TSNARE1: variants seen among roughly 807,000 people sequenced by gnomAD.
TSNARE1 encodes t-SNARE domain containing 1, also known as t-SNARE domain-containing protein 1.
TSNARE1 carries 49 observed loss-of-function variants against 62.0 expected under a neutral mutation model. The ratio of observed to expected loss-of-function variants is 0.79; its 90% CI spans 0.63 to 1.00. TSNARE1 has a LOEUF of 1.00. Among genes scored for constraint, TSNARE1 ranks in the 50% least tolerant of loss-of-function variants. The probability of loss-of-function intolerance (pLI) is 0.00; values close to 1 mark genes in which losing one functional copy is unlikely to be tolerated. For missense variants in TSNARE1, 755 were observed against 700.1 expected (o/e 1.08, Z -0.88); for synonymous variants, 328 against 294.4 (o/e 1.11, Z -1.17).
intron 13 of TSNARE1, among the ~76,000 whole-genome samples, chr8:142,223,112 GTTCACTCATTCACTCA>G (rs1194933488): frequency 6.4e-5 from 1 of 15,602 alleles, no homozygotes; most frequent in Admixed American, 6.7e-4. Flanking sequence ...TCACTCACTC[GTTCACTCATTCACTCA>G]TTCACTCATT....
At chr8:142,256,355 T>C (rs376479224) in intron 12 of TSNARE1, among the ~76,000 whole-genome samples, 149 of 940 alleles carry the variant, frequency 0.16, no homozygotes, top group Admixed American at 0.21. Flanking sequence ...ATCACCATCA[T>C]TATCACCACC....
chr8:142,273,005 G>A (rs1819855373), intron 12 of TSNARE1: 1 of 985,476 alleles, frequency 1.0e-6, no homozygotes, highest in South Asian at 4.7e-5. Context: ...GAGTGGGACA[G>A]TCTATGCAGA....
At position 142,322,672 on chromosome 8, in the gene TSNARE1, G is replaced by A. The variant is rs148039571; in HGVS notation, c.894-4038C>T. The stretch of plus-strand genomic sequence containing the variant: ...ATAAGAGAAAGGCCAGCCTGTGTCC[G>A]TGGGCTGGACGATGACATTGTTATG... On this transcript the variant is annotated intron_variant, in intron 6 of 13. Coordinates refer to ENST00000524325, the MANE Select transcript of TSNARE1 (RefSeq NM_145003.5). Among the ~76,000 whole-genome samples, 203 of 152,344 alleles carry A rather than the reference G, an allele frequency of 1.3e-3. 2 individuals are homozygous for A. Among genetic ancestry groups the A allele is most frequent in the Middle Eastern group, 6.8e-3 (2 of 294 alleles).
At chr8:142,282,746 G>A (rs374109486) in intron 11 of TSNARE1, among the ~76,000 whole-genome samples, 10,923 of 83,976 alleles carry the variant, frequency 0.13, no homozygotes, top group African/African-American at 0.24. Flanking sequence ...TCTGTCTAAG[G>A]GCAAAGGCGG....
intron 13 of TSNARE1, among the ~76,000 whole-genome samples, chr8:142,225,321 C>T (rs1463383013): frequency 1.3e-5 from 2 of 152,174 alleles, no homozygotes; most frequent in African/African-American, 4.8e-5. Flanking sequence ...CTTCTCTGCT[C>T]CTTGGCCCTG....
At chr8:142,403,892 C>G (rs1417124162), upstream of TSNARE1, 1 of 152,316 alleles carries the variant, frequency 6.6e-6, no homozygotes, top group Non-Finnish European at 1.5e-5. Context: ...CCGAAAGACT[C>G]CAGCCCCTCG....
intron 1 of TSNARE1, among the ~76,000 whole-genome samples, chr8:142,355,735 C>T (rs570808456): frequency 6.6e-6 from 1 of 152,332 alleles, no homozygotes; most frequent in South Asian, 2.1e-4. Flanking sequence ...GCTCCACCCG[C>T]CCACACAAAC....
intron 13 of TSNARE1, among the ~76,000 whole-genome samples, chr8:142,219,138 T>C (rs1286348914): frequency 6.6e-6 from 1 of 152,022 alleles, no homozygotes; most frequent in Non-Finnish European, 1.5e-5. Context: ...ACCTCCTGGG[T>C]GGTGCTTCCC....
intron 12 of TSNARE1, chr8:142,271,437 T>G (rs1586917492): frequency 8.0e-7 from 1 of 1,251,208 alleles, no homozygotes; most frequent in Non-Finnish European, 1.0e-6. Flanking sequence ...AATGCGGACG[T>G]TTCAGATGCT....
chr8:142,317,452 C>T (rs1404628009), intron 7 of TSNARE1, among the ~76,000 whole-genome samples: 4 of 151,720 alleles, frequency 2.6e-5, no homozygotes, highest in Non-Finnish European at 5.9e-5. Context: ...TGTGGGCAAG[C>T]GGCTCACACT....
At chr8:142,397,249 G>A (rs1264288126) in intron 1 of TSNARE1, among the ~76,000 whole-genome samples, 1 of 150,024 alleles carries the variant, frequency 6.7e-6, no homozygotes, top group Non-Finnish European at 1.5e-5. Flanking sequence ...GAGGCAGCCC[G>A]AGGGTCTCAC....
At chr8:142,325,514 G>C (rs762906630) in intron 6 of TSNARE1, among the ~76,000 whole-genome samples, 1 of 152,212 alleles carries the variant, frequency 6.6e-6, no homozygotes, top group African/African-American at 2.4e-5. Flanking sequence ...TGAGAAGTGC[G>C]TGGACACGGG....
At chr8:142,215,358 A>C (rs1167124660) in intron 13 of TSNARE1, among the ~76,000 whole-genome samples, 3 of 152,128 alleles carry the variant, frequency 2.0e-5, no homozygotes, top group Non-Finnish European at 4.4e-5. Flanking sequence ...TCCTGGTGTC[A>C]GTGGACAGGG....
Position 142,287,862 on chromosome 8 carries a change from G to A in TSNARE1, c.1291-3377C>T, listed in dbSNP as rs368212438. 3.2e-4 allele frequency among the ~76,000 whole-genome samples: 49 copies of A among 150,836 alleles called. No individual in the cohort carries two copies. In the East Asian group the frequency reaches 7.9e-3, roughly 24 times the overall value. On this transcript the variant is annotated intron_variant, in intron 10 of 13. Transcript: ENST00000524325. Reference sequence around the variant, plus strand: ...GGGACAGTGGGCCGCCCTCCAGGTCGTGGAACCCAGGACCTCGGCCAGATC... The same window carrying A: ...GGGACAGTGGGCCGCCCTCCAGGTCATGGAACCCAGGACCTCGGCCAGATC...
At chr8:142,217,371 GAAAA>G (rs869202105) in intron 13 of TSNARE1, among the ~76,000 whole-genome samples, 2,802 of 140,284 alleles carry the variant, frequency 0.02, 114 homozygotes, top group African/African-American at 0.071. Flanking sequence ...AAGAAAGAAA[GAAAA>G]AAGGGAAAGA....
At chr8:142,217,363 G>T (rs1239985302) in intron 13 of TSNARE1, among the ~76,000 whole-genome samples, 1 of 131,122 alleles carries the variant, frequency 7.6e-6, no homozygotes, top group South Asian at 2.6e-4. Context: ...AAGAAAGAAA[G>T]AAAGAAAGAA....
intron 9 of TSNARE1, among the ~76,000 whole-genome samples, chr8:142,304,376 C>T (rs527274994): frequency 6.6e-6 from 1 of 152,330 alleles, no homozygotes; most frequent in African/African-American, 2.4e-5. Context: ...GGCTGTGAGG[C>T]CCCAGGCATG....
rs542132074 is a variant in TSNARE1 at position 142,299,544 on chromosome 8, G to A, written c.1290+942C>T. On this transcript the variant is annotated intron_variant, in intron 10 of 13. Coordinates refer to ENST00000524325, the MANE Select transcript of TSNARE1 (RefSeq NM_145003.5). ...CAACAGAGCGTGTCCCCCCCACGCT[G>A]CCTGATTGATGTGTTCTATGTACAC... is the stretch of plus-strand genomic sequence containing the variant. Among the ~76,000 whole-genome samples, 127 of 152,366 alleles carry A rather than the reference G, an allele frequency of 8.3e-4. No homozygotes were observed. In the South Asian group the frequency reaches 0.011, roughly 13 times the overall value.
intron 2 of TSNARE1, among the ~76,000 whole-genome samples, chr8:142,352,177 G>A (rs896084904): frequency 3.3e-5 from 5 of 152,236 alleles, no homozygotes; most frequent in African/African-American, 9.6e-5. Context: ...CCAGAGCACA[G>A]GAGGGAAGCC....
Sources: allele counts gnomAD v4.1 joint callset (sites outside exome capture counted in the v4.1 genomes callset), GRCh38; gene constraint gnomAD v4.1.1; transcripts MANE v1.5; gene names NCBI Gene and HGNC (gene_info 2026-07-23, HGNC 2026-07-21).